The following CATSPERE variants were observed in gnomAD, a reference collection of about 807,000 sequenced individuals.
CATSPERE encodes catsper channel auxiliary subunit epsilon.
A neutral mutation model predicts 114.1 loss-of-function variants in CATSPERE; 93 were observed. That is an observed-to-expected ratio of 0.81 (90% CI 0.69 to 0.97). CATSPERE has a LOEUF of 0.97. Among genes scored for constraint, CATSPERE ranks in the 50% least tolerant of loss-of-function variants. The pLI is 0.00. For missense variants in CATSPERE, 1,058 were observed against 1,131.6 expected (o/e 0.93, Z 0.93); for synonymous variants, 341 against 384.1 (o/e 0.89, Z 1.31).
chr1:244,591,969 T>C (rs1219963589), intron 15 of CATSPERE, among the ~76,000 whole-genome samples: 1 of 152,254 alleles, frequency 6.6e-6, no homozygotes, highest in Non-Finnish European at 1.5e-5. Context: ...CATTTACATA[T>C]ATGTAGTCTC....
chr1:244,541,129 T>A (rs1658637664), intron 8 of CATSPERE, among the ~76,000 whole-genome samples: 1 of 141,198 alleles, frequency 7.1e-6, no homozygotes, highest in South Asian at 2.4e-4. Context: ...CCAAAAGCAA[T>A]GGCAACAAAA....
At chr1:244,480,347 A>G (rs1032593660) in intron 5 of CATSPERE, among the ~76,000 whole-genome samples, 12 of 152,210 alleles carry the variant, frequency 7.9e-5, no homozygotes, top group African/African-American at 2.7e-4. Flanking sequence ...CTTTAGCATC[A>G]TAGTCTCGGC....
chr1:244,610,706 C>T (rs1402391049), intron 19 of CATSPERE: 4 of 211,024 alleles, frequency 1.9e-5, no homozygotes, highest in African/African-American at 9.4e-5. Flanking sequence ...TATGGAAAAA[C>T]TTAACCATCA....
Position 244,624,684 on chromosome 1 carries a change from C to A in CATSPERE, c.2648+6998C>A, listed in dbSNP as rs141636717. ...GGGCATGGTGATGGGCGCCTGTAGT[C>A]CCAGCTACTTGGGAGGCTGAGGCAG... On this transcript the variant is annotated intron_variant, in intron 20 of 21. Coordinates refer to ENST00000366534, the MANE Select transcript of CATSPERE (RefSeq NM_001130957.2). 9.4e-3 allele frequency among the ~76,000 whole-genome samples: 1,437 copies of A among 152,082 alleles called. 6 individuals are homozygous for A. Among genetic ancestry groups the A allele is most frequent in the Middle Eastern group, 0.037 (11 of 294 alleles).
At chr1:244,565,177 G>C (rs7512830) in intron 10 of CATSPERE, among the ~76,000 whole-genome samples, 1 of 152,112 alleles carries the variant, frequency 6.6e-6, no homozygotes, top group Non-Finnish European at 1.5e-5. Flanking sequence ...TTTTTGCAAC[G>C]ATGTTCATCA....
chr1:244,639,423 C>T (rs1348362816), intron 21 of CATSPERE, among the ~76,000 whole-genome samples: 3 of 152,220 alleles, frequency 2.0e-5, no homozygotes, highest in Non-Finnish European at 2.9e-5. Context: ...CAGTGGCTCA[C>T]GCCTGTAATC....
At chr1:244,550,103 C>G (rs1330856193) in intron 8 of CATSPERE, among the ~76,000 whole-genome samples, 2 of 152,156 alleles carry the variant, frequency 1.3e-5, no homozygotes, top group African/African-American at 2.4e-5. Flanking sequence ...TGGACTGAGA[C>G]TGAGACTTAC....
chr1:244,526,452 C>G lies in CATSPERE; in HGVS notation c.536+7754C>G, dbSNP rs531132624. On this transcript the variant is annotated intron_variant, in intron 8 of 21. Transcript: ENST00000366534. ...AAAAGAAAATAATTTCTTACATGTC[C>G]TTGTATATCTCATTGGCCACAGTGG... is the stretch of plus-strand genomic sequence containing the variant. Among the ~76,000 whole-genome samples the G allele has an allele frequency of 8.6e-5, 13 of 151,874 alleles. No homozygotes were observed. In the East Asian group the frequency reaches 2.5e-3, roughly 29 times the overall value.
chr1:244,531,235 CAAAA>C (rs60936159), intron 8 of CATSPERE, among the ~76,000 whole-genome samples: 1 of 60,350 alleles, frequency 1.7e-5, no homozygotes, highest in Non-Finnish European at 4.3e-5. Flanking sequence ...GACTCAGTCT[CAAAA>C]AAAAAAAAAA....
chr1:244,526,174 G>A (rs1221178585), intron 8 of CATSPERE, among the ~76,000 whole-genome samples: 1 of 152,192 alleles, frequency 6.6e-6, no homozygotes, highest in African/African-American at 2.4e-5. Context: ...TTGGGAGGCT[G>A]AGGTGGGCAG....
rs1395083636 is a variant in CATSPERE at position 244,552,808 on chromosome 1, A to G, written c.1023A>G (p.Leu341=). The G allele has an allele frequency of 6.7e-7, 1 of 1,488,468 alleles. No homozygotes were observed. The highest frequency in any genetic ancestry group is 1.4e-5 in the African/African-American group (1 of 70,204). The allele number at this position is 1,488,468 out of a possible 1,614,324, so 92.2% of individuals were successfully genotyped here. Residue 341 remains leucine (L), a synonymous_variant, in exon 9 of 22, where the codon TTA becomes TTG. Coordinates refer to ENST00000366534, the MANE Select transcript of CATSPERE (RefSeq NM_001130957.2). ...SSRKWCWVNY[L]LKAKGRRSTF... The stretch of plus-strand genomic sequence containing the variant: ...GAAAATGGTGTTGGGTCAATTATTT[A>G]TTAAAGGTTAGTAAAAGATATTTTA...
At chr1:244,589,656 C>G (rs1468114004) in intron 14 of CATSPERE, among the ~76,000 whole-genome samples, 3 of 152,158 alleles carry the variant, frequency 2.0e-5, no homozygotes, top group South Asian at 2.1e-4. Context: ...ACAAGGAGCA[C>G]TAACATTTGA....
rs78670706 is a variant in CATSPERE, at chr1:244,616,548, T to A, written c.2491-981T>A. Among the ~76,000 whole-genome samples the A allele has an allele frequency of 6.1e-3, 922 of 152,192 alleles. 13 individuals are homozygous for A. The highest frequency in any genetic ancestry group is 0.021 in the African/African-American group (890 of 41,532). On this transcript the variant is annotated intron_variant, in intron 19 of 21. Transcript: ENST00000366534. ...TGGCAAGGGCCTTCCTGCTGCATCA[T>A]CAGATGGCAGAAGGCAAAAGGAGAG...
intron 20 of CATSPERE, among the ~76,000 whole-genome samples, chr1:244,634,377 TA>T (rs1025373099): frequency 6.6e-6 from 1 of 152,112 alleles, no homozygotes; most frequent in Non-Finnish European, 1.5e-5. Flanking sequence ...TTCTGAGGGG[TA>T]AATGAAGCAT....
intron 4 of CATSPERE, among the ~76,000 whole-genome samples, chr1:244,478,796 G>A (rs1170057428): frequency 6.6e-6 from 1 of 152,054 alleles, no homozygotes; most frequent in Admixed American, 6.5e-5. Flanking sequence ...CACTTTGGGA[G>A]GTGGGCAGAT....
At chr1:244,500,335 G>A (rs1673834779) in intron 7 of CATSPERE, among the ~76,000 whole-genome samples, 1 of 152,246 alleles carries the variant, frequency 6.6e-6, no homozygotes, top group African/African-American at 2.4e-5. Flanking sequence ...CTCCGCAGAA[G>A]CTCTTTAGCT....
chr1:244,638,821 C>A (rs1674973634), intron 21 of CATSPERE, among the ~76,000 whole-genome samples: 1 of 152,238 alleles, frequency 6.6e-6, no homozygotes, highest in South Asian at 2.1e-4. Context: ...ATAACTTCTA[C>A]ATGTATCTTA....
chr1:244,512,459 G>T (rs1455003503), intron 7 of CATSPERE, among the ~76,000 whole-genome samples: 2 of 151,742 alleles, frequency 1.3e-5, no homozygotes, highest in Non-Finnish European at 2.9e-5. Context: ...TATTTTCTTT[G>T]TGTTGTTTAT....
intron 9 of CATSPERE, 132 bp from the exon 10 acceptor site, chr1:244,560,536 C>T: frequency 2.1e-6 from 1 of 478,182 alleles, no homozygotes. Flanking sequence ...TATAACACCA[C>T]CTGTTCCCCA....
Sources: allele counts gnomAD v4.1 joint callset (sites outside exome capture counted in the v4.1 genomes callset), GRCh38; gene constraint gnomAD v4.1.1; transcripts MANE v1.5; gene names NCBI Gene and HGNC (gene_info 2026-07-23, HGNC 2026-07-21).